Variants in ACVR1C observed in about 807,000 individuals in gnomAD.
The protein encoded by ACVR1C is activin receptor type-1C.
ACVR1C carries 23 observed loss-of-function variants against 57.9 expected under a neutral mutation model. That is an observed-to-expected ratio of 0.40 (90% CI 0.29 to 0.56). The LOEUF (loss-of-function observed/expected upper bound fraction) is 0.56, where lower values mean the gene tolerates loss of function less well. Ranked by LOEUF, ACVR1C falls within the 20% of genes least tolerant of loss-of-function variation. The pLI, the probability that ACVR1C is intolerant of heterozygous loss-of-function variation, is 0.50. For missense variants in ACVR1C, 480 were observed against 607.9 expected (o/e 0.79, Z 2.21); for synonymous variants, 214 against 215.3 (o/e 0.99, Z 0.05).
In ACVR1C at chr2:157,533,954, T is replaced by A. The variant is rs1245515371; in HGVS notation, c.1446A>T (p.Ile482=). ...RLTALRIKKT[I]SQLCVKEDCK... is the part of the protein sequence containing the mutation. ...AGTCTTCTTTGACACAAAGTTGAGA[T>A]ATAGTCTTCTTAATACGAAGAGCAG... The change falls in exon 9 of 9, where the codon ATA becomes ATT. Residue 482 remains isoleucine (I), a synonymous_variant. Coordinates refer to ENST00000243349, the MANE Select transcript of ACVR1C (RefSeq NM_145259.3). The A allele has an allele frequency of 6.3e-7, 1 of 1,593,074 alleles. No individual in the cohort carries two copies. Among genetic ancestry groups the A allele is most frequent in the African/African-American group, 1.4e-5 (1 of 73,190 alleles).
chr2:157,611,458 T>G (rs1202850953), intron 1 of ACVR1C, among the ~76,000 whole-genome samples: 2 of 151,960 alleles, frequency 1.3e-5, no homozygotes, highest in African/African-American at 4.8e-5. Flanking sequence ...CAGGGTGGCA[T>G]ATGTTGACTG....
intron 3 of ACVR1C, among the ~76,000 whole-genome samples, chr2:157,552,494 AAC>A (rs1358472957): frequency 6.6e-6 from 1 of 152,166 alleles, no homozygotes; most frequent in Admixed American, 6.5e-5. Flanking sequence ...AAGTTATGCT[AAC>A]AATTATTAGG....
intron 3 of ACVR1C, among the ~76,000 whole-genome samples, chr2:157,554,067 T>C (rs1687989778): frequency 6.6e-6 from 1 of 150,476 alleles, no homozygotes; most frequent in African/African-American, 2.5e-5. Context: ...CCTGTAATTC[T>C]AGCTACTTAG....
At chr2:157,550,529 C>A in intron 3 of ACVR1C, 137 bp from the exon 4 acceptor site, 1 of 728,796 alleles carries the variant, frequency 1.4e-6, no homozygotes, top group Non-Finnish European at 2.2e-6. Flanking sequence ...GGAATAAGTA[C>A]CATTATAGCA....
Position 157,533,811 on chromosome 2 carries a change from G to A in ACVR1C, c.*107C>T. Reference sequence around the variant, plus strand: ...CTTATGGGCACTTAAATACTGTACTGTCTTATCTTTGAGGTAGAACAAAAA... The same window carrying A: ...CTTATGGGCACTTAAATACTGTACTATCTTATCTTTGAGGTAGAACAAAAA... On this transcript the variant is annotated 3_prime_UTR_variant, in exon 9 of 9. Coordinates refer to ENST00000243349, the MANE Select transcript of ACVR1C (RefSeq NM_145259.3). 8.3e-7 allele frequency: 1 copy of A among 1,208,650 alleles called. No homozygotes were observed. Among genetic ancestry groups the A allele is most frequent in the Non-Finnish European group, 1.1e-6 (1 of 902,232 alleles). 74.9% of individuals were successfully genotyped at this position (1,208,650 alleles called of 1,614,324 possible).
chr2:157,619,904 G>T (rs1021215838), intron 1 of ACVR1C, among the ~76,000 whole-genome samples: 12 of 151,878 alleles, frequency 7.9e-5, no homozygotes, highest in African/African-American at 2.9e-4. Context: ...TATTAAAGGG[G>T]CCATCACTAC....
At chr2:157,554,612 C>G (rs1688045600) in intron 3 of ACVR1C, among the ~76,000 whole-genome samples, 1 of 152,110 alleles carries the variant, frequency 6.6e-6, no homozygotes. Context: ...GATTTTGCCC[C>G]AGAAGGAGCG....
intron 3 of ACVR1C, among the ~76,000 whole-genome samples, chr2:157,553,734 T>C (rs1368818668): frequency 1.3e-5 from 2 of 152,148 alleles, no homozygotes; most frequent in Admixed American, 1.3e-4. Flanking sequence ...TTGAACCTTA[T>C]AAAGAAATTA....
chr2:157,561,077 C>G (rs982864071), intron 2 of ACVR1C, among the ~76,000 whole-genome samples: 8 of 151,990 alleles, frequency 5.3e-5, no homozygotes, highest in East Asian at 1.9e-4. Flanking sequence ...AACAAACAAA[C>G]AAAGAAAAAA....
intron 1 of ACVR1C, among the ~76,000 whole-genome samples, chr2:157,608,438 G>T (rs892359139): frequency 3.9e-5 from 6 of 151,968 alleles, no homozygotes; most frequent in Middle Eastern, 3.4e-3. Flanking sequence ...ATATTGGCAT[G>T]TAGATTTCTT....
chr2:157,545,964 T>C (rs896273064), intron 4 of ACVR1C, among the ~76,000 whole-genome samples: 1 of 152,104 alleles, frequency 6.6e-6, no homozygotes, highest in Non-Finnish European at 1.5e-5. Context: ...TTATTTTTAG[T>C]AGAAACGGGG....
At chr2:157,564,428 G>A (rs947065134) in intron 2 of ACVR1C, among the ~76,000 whole-genome samples, 1 of 152,186 alleles carries the variant, frequency 6.6e-6, no homozygotes, top group Non-Finnish European at 1.5e-5. Flanking sequence ...ATGCCAGTCA[G>A]AATGGTGATT....
chr2:157,539,799 C>A (rs1687577873), intron 7 of ACVR1C, among the ~76,000 whole-genome samples: 1 of 152,162 alleles, frequency 6.6e-6, no homozygotes, highest in South Asian at 2.1e-4. Flanking sequence ...ACCCTAGTGT[C>A]CATGTTCGGC....
chr2:157,577,293 C>G (rs1688686565), intron 2 of ACVR1C, among the ~76,000 whole-genome samples: 1 of 151,910 alleles, frequency 6.6e-6, no homozygotes, highest in African/African-American at 2.4e-5. Flanking sequence ...GTTGTTTCAA[C>G]CCTGTATATT....
chr2:157,534,881 C>T (rs569988373), intron 8 of ACVR1C, among the ~76,000 whole-genome samples: 1 of 152,198 alleles, frequency 6.6e-6, no homozygotes, highest in South Asian at 2.1e-4. Flanking sequence ...GCCAGCCAGG[C>T]GCAGTGTCTC....
intron 1 of ACVR1C, among the ~76,000 whole-genome samples, chr2:157,613,044 A>C (rs959698628): frequency 6.6e-6 from 1 of 152,218 alleles, no homozygotes; most frequent in African/African-American, 2.4e-5. Flanking sequence ...ATACAGGTAG[A>C]GGAGCTCTCC....
chr2:157,619,954 CA>C (rs754895497), intron 1 of ACVR1C, among the ~76,000 whole-genome samples: 3 of 150,132 alleles, frequency 2.0e-5, no homozygotes, highest in East Asian at 3.9e-4. Flanking sequence ...GGAAATGTGG[CA>C]AAAAAAAACT....
In ACVR1C at chr2:157,550,334, T is replaced by G. The variant is rs1234935521; in HGVS notation, c.603A>C (p.Val201=). ...ACACCTCACCAAATCTACCTTTTCCTACTATTTCCTGAAGCACAATCGTCC... is the reference window on the plus strand; with the variant it reads ...ACACCTCACCAAATCTACCTTTTCCGACTATTTCCTGAAGCACAATCGTCC... ...IARTIVLQEI[V]GKGRFGEVWH... Residue 201 remains valine, a synonymous_variant, in exon 4 of 9, where the codon GTA becomes GTC. Coordinates refer to ENST00000243349, the MANE Select transcript of ACVR1C (RefSeq NM_145259.3). The G allele has an allele frequency of 6.2e-7, 1 of 1,614,088 alleles. No individual in the cohort carries two copies. Among genetic ancestry groups the G allele is most frequent in the Non-Finnish European group, 8.5e-7 (1 of 1,180,052 alleles).
In ACVR1C at chr2:157,532,251, A is replaced by G. The variant is rs1190531447; in HGVS notation, c.*1667T>C. On this transcript the variant is annotated 3_prime_UTR_variant, in exon 9 of 9. Coordinates refer to ENST00000243349, the MANE Select transcript of ACVR1C (RefSeq NM_145259.3). Reference sequence around the variant, plus strand: ...CCCAAGCTGTGCTTTGCTTTATAGAACAGTTAAATATGGGATAGTAAAAAG... The same window carrying G: ...CCCAAGCTGTGCTTTGCTTTATAGAGCAGTTAAATATGGGATAGTAAAAAG... The G allele has an allele frequency of 6.6e-6, 1 of 152,100 alleles. No individual in the cohort carries two copies. The highest frequency in any genetic ancestry group is 6.6e-5 in the Admixed American group (1 of 15,238). The allele number at this position is 152,100 out of a possible 1,614,324, so 9.4% of individuals were successfully genotyped here.
Sources: allele counts gnomAD v4.1 joint callset (sites outside exome capture counted in the v4.1 genomes callset), GRCh38; gene constraint gnomAD v4.1.1; transcripts MANE v1.5; gene names NCBI Gene and HGNC (gene_info 2026-07-23, HGNC 2026-07-21).